Variants in PDE4D observed in about 807,000 individuals in gnomAD.
PDE4D encodes 3',5'-cyclic-AMP phosphodiesterase 4D.
In PDE4D, 24 loss-of-function variants were observed where a neutral mutation model predicts 87.4. The observed-to-expected ratio is 0.27, with a 90% confidence interval of 0.20 to 0.39. The LOEUF (loss-of-function observed/expected upper bound fraction) is 0.39, where lower values mean the gene tolerates loss of function less well. Among genes scored for constraint, PDE4D ranks in the 10% least tolerant of loss-of-function variants. The probability of loss-of-function intolerance (pLI) is 1.00; values close to 1 mark genes in which losing one functional copy is unlikely to be tolerated. For missense variants in PDE4D, 714 were observed against 1,041.0 expected, an observed-to-expected ratio of 0.69 and a Z score of 4.32; for synonymous variants, 384 against 383.2, an observed-to-expected ratio of 1.00 and a Z score of -0.02.
At chr5:59,994,039 TTTA>T (rs143235702) in intron 2 of PDE4D, among the ~76,000 whole-genome samples, 6,871 of 152,054 alleles carry the variant, frequency 0.045, 497 homozygotes, top group African/African-American at 0.16. Flanking sequence ...GAATGTTAAA[TTTA>T]TTATTATTAT....
chr5:59,450,890 C>T (rs777769969), intron 1 of PDE4D, among the ~76,000 whole-genome samples: 4 of 151,728 alleles, frequency 2.6e-5, no homozygotes, highest in Non-Finnish European at 5.9e-5. Context: ...TTTTCCTCCT[C>T]TTTACCAAAT....
rs568051454 is a variant in PDE4D, at chr5:59,188,684, C to A, written c.685-3422G>T. Among the ~76,000 whole-genome samples the A allele has an allele frequency of 2.0e-5, 3 of 152,150 alleles. 1 individual carries two copies. Among genetic ancestry groups the A allele is most frequent in the African/African-American group, 4.8e-5 (2 of 41,426 alleles). ...TGGCGGCGGAGGAAGCGGCGACCCG[C>A]ACTGGGAGAGATTCATTACTTCGGT... On this transcript the variant is annotated intron_variant, in intron 3 of 14. Coordinates refer to ENST00000340635, the MANE Select transcript of PDE4D (RefSeq NM_001104631.2).
intron 1 of PDE4D, among the ~76,000 whole-genome samples, chr5:59,532,459 G>A (rs1338288599): frequency 1.3e-5 from 2 of 152,110 alleles, no homozygotes; most frequent in East Asian, 3.9e-4. Flanking sequence ...GATGTTTGAA[G>A]AGTTAATCAC....
At chr5:60,354,452 A>G (rs552193358) in intron 1 of PDE4D, among the ~76,000 whole-genome samples, 1 of 152,196 alleles carries the variant, frequency 6.6e-6, no homozygotes, top group African/African-American at 2.4e-5. Flanking sequence ...AGCAGTCTCC[A>G]TACATAGCAA....
At chr5:60,222,196 G>T (rs768414554) in intron 1 of PDE4D, among the ~76,000 whole-genome samples, 1 of 152,046 alleles carries the variant, frequency 6.6e-6, no homozygotes, top group Admixed American at 6.6e-5. Flanking sequence ...CAGCTTCCAG[G>T]AGGACACTCA....
intron 11 of PDE4D, among the ~76,000 whole-genome samples, chr5:58,979,247 T>G (rs1416679296): frequency 3.3e-5 from 5 of 152,154 alleles, no homozygotes; most frequent in African/African-American, 1.2e-4. Context: ...CCAAGAATAC[T>G]GGCAAGGCCT....
At chr5:60,249,486 A>AT (rs1748183382) in intron 1 of PDE4D, among the ~76,000 whole-genome samples, 2 of 152,032 alleles carry the variant, frequency 1.3e-5, no homozygotes, top group South Asian at 4.1e-4. Context: ...AAGACACCTC[A>AT]TGTTTTAAAA....
chr5:60,091,610 T>C (rs1775117794), intron 2 of PDE4D, among the ~76,000 whole-genome samples: 1 of 152,156 alleles, frequency 6.6e-6, no homozygotes, highest in African/African-American at 2.4e-5. Context: ...GATCTACAGA[T>C]GACCCAGCAA....
At chr5:59,250,618 A>G (rs1207259787) in intron 1 of PDE4D, among the ~76,000 whole-genome samples, 1 of 152,166 alleles carries the variant, frequency 6.6e-6, no homozygotes, top group East Asian at 1.9e-4. Context: ...TTTGGATAAA[A>G]TATAAAGATG....
chr5:59,987,074 C>A (rs577564745), intron 3 of PDE4D: 1 of 152,138 alleles, frequency 6.6e-6, no homozygotes, highest in South Asian at 2.1e-4. Context: ...CACATCAGAG[C>A]CATGAATATG....
intron 1 of PDE4D, among the ~76,000 whole-genome samples, chr5:59,311,332 C>T (rs1037660319): frequency 1.3e-5 from 2 of 151,692 alleles, no homozygotes; most frequent in African/African-American, 4.8e-5. Flanking sequence ...AAAACCCCGT[C>T]TCTACTAAAA....
At chr5:60,291,706 G>T (rs1188707071) in intron 1 of PDE4D, among the ~76,000 whole-genome samples, 2 of 151,888 alleles carry the variant, frequency 1.3e-5, no homozygotes, top group Non-Finnish European at 2.9e-5. Context: ...AAAAAACCAT[G>T]TAAGGCTAGC....
At chr5:59,213,056 T>G (rs1438323007) in intron 2 of PDE4D, among the ~76,000 whole-genome samples, 4 of 151,240 alleles carry the variant, frequency 2.6e-5, no homozygotes, top group Admixed American at 2.6e-4. Context: ...TAATATCTCT[T>G]AACATTTTAC....
intron 1 of PDE4D, among the ~76,000 whole-genome samples, chr5:59,626,489 T>C (rs1283797691): frequency 2.0e-5 from 3 of 152,216 alleles, no homozygotes; most frequent in Non-Finnish European, 4.4e-5. Flanking sequence ...GTGACTTAAT[T>C]TCTTAATTTG....
intron 2 of PDE4D, among the ~76,000 whole-genome samples, chr5:60,011,099 C>T (rs1184862117): frequency 6.6e-6 from 1 of 152,192 alleles, no homozygotes; most frequent in African/African-American, 2.4e-5. Flanking sequence ...GCCAGCTTCA[C>T]TGAGGAAAAC....
chr5:59,392,688 T>C (rs1449509576), intron 1 of PDE4D, among the ~76,000 whole-genome samples: 3 of 152,106 alleles, frequency 2.0e-5, no homozygotes, highest in East Asian at 1.9e-4. Context: ...CAGAAGTCAC[T>C]GCGCATGCAG....
chr5:59,669,976 T>G (rs1746923326), intron 1 of PDE4D, among the ~76,000 whole-genome samples: 1 of 152,158 alleles, frequency 6.6e-6, no homozygotes, highest in African/African-American at 2.4e-5. Flanking sequence ...TTCCTTAAAA[T>G]TTTCTTAAGT....
intron 1 of PDE4D, among the ~76,000 whole-genome samples, chr5:60,319,943 G>T (rs59288503): frequency 6.6e-6 from 1 of 152,162 alleles, no homozygotes; most frequent in Non-Finnish European, 1.5e-5. Flanking sequence ...ACCCAGTTGC[G>T]GAGGCAGTCT....
At chr5:60,480,176 G>T (rs1748620688) in intron 1 of PDE4D, among the ~76,000 whole-genome samples, 1 of 151,984 alleles carries the variant, frequency 6.6e-6, no homozygotes, top group Non-Finnish European at 1.5e-5. Flanking sequence ...TAAAACAGAA[G>T]AAACAAAGAT....
Sources: gnomAD v4.1 joint callset for allele counts (sites outside exome capture counted in the v4.1 genomes callset) on GRCh38, gnomAD v4.1.1 for gene constraint, MANE v1.5 for transcripts, NCBI Gene and HGNC (gene_info 2026-07-23, HGNC 2026-07-21) for gene names.